Variants in VPS39 observed in about 807,000 individuals in gnomAD.
VPS39 encodes vam6/Vps39-like protein.
VPS39 carries 70 observed loss-of-function variants against 121.0 expected under a neutral mutation model. That is an observed-to-expected ratio of 0.58 (90% CI 0.48 to 0.71). The LOEUF is 0.71. VPS39 is among the 30% of genes least tolerant of loss of function. The probability of loss-of-function intolerance (pLI) is 0.00; values close to 1 mark genes in which losing one functional copy is unlikely to be tolerated. For synonymous variants in VPS39, 378 were observed against 398.1 expected (o/e 0.95, Z 0.60); for missense variants, 818 against 1,051.5 (o/e 0.78, Z 3.07).
chr15:42,164,943 C>T, intron 18 of VPS39, 53 bp downstream of exon 18: 1 of 1,609,560 alleles, frequency 6.2e-7, no homozygotes, highest in African/African-American at 1.3e-5. Context: ...GCACCTGGGT[C>T]TGTGCTCTCC....
intron 7 of VPS39, among the ~76,000 whole-genome samples, chr15:42,186,716 G>A (rs1434411528): frequency 6.6e-6 from 1 of 152,200 alleles, no homozygotes; most frequent in Non-Finnish European, 1.5e-5. Flanking sequence ...CATATACCAA[G>A]AAGTTGGCAG....
At chr15:42,166,007 A>G (rs2049235104) in intron 16 of VPS39, 152 bp downstream of exon 16, 1 of 931,564 alleles carries the variant, frequency 1.1e-6, no homozygotes, top group African/African-American at 1.6e-5. Context: ...TCTACCAACT[A>G]CAGTGCTGGC....
intron 1 of VPS39, among the ~76,000 whole-genome samples, chr15:42,200,509 C>T (rs2050045455): frequency 6.6e-6 from 1 of 152,078 alleles, no homozygotes; most frequent in African/African-American, 2.4e-5. Context: ...AATAAGCTTA[C>T]AGAATTCATT....
rs115915752 is a variant in VPS39 at position 42,163,303 on chromosome 15, G to A, written c.2175+47C>T. 3.9e-4 allele frequency: 625 copies of A among 1,611,362 alleles called. 2 individuals are homozygous for A. In the African/African-American group the frequency reaches 6.2e-3, roughly 16 times the overall value. On this transcript the variant is annotated intron_variant, in intron 21 of 24. Coordinates refer to ENST00000318006, the MANE Select transcript of VPS39 (RefSeq NM_015289.5). ...TATTGCCACCTCTGGTCAAACCAAC[G>A]GGGAGAGGTATGCACACGTGCTCCC...
intron 8 of VPS39, among the ~76,000 whole-genome samples, chr15:42,182,184 C>T (rs1220416787): frequency 6.6e-6 from 1 of 152,158 alleles, no homozygotes; most frequent in Non-Finnish European, 1.5e-5. Flanking sequence ...TGATATTTTT[C>T]ATCTTACCAG....
intron 2 of VPS39, 133 bp downstream of exon 2, chr15:42,199,760 GTCT>G: frequency 2.2e-6 from 2 of 895,664 alleles, no homozygotes; most frequent in South Asian, 3.8e-5. Flanking sequence ...GCATTCTCAA[GTCT>G]TCTCCCCATT....
intron 8 of VPS39, among the ~76,000 whole-genome samples, chr15:42,182,461 G>A (rs2049600215): frequency 6.6e-6 from 1 of 152,204 alleles, no homozygotes; most frequent in African/African-American, 2.4e-5. Context: ...AAAGTTGGGA[G>A]ACTGGCTGGT....
Position 42,164,475 on chromosome 15 carries a change from C to G in VPS39, c.1909G>C (p.Val637Leu). 6.2e-7 allele frequency: 1 copy of G among 1,614,068 alleles called. No individual in the cohort carries two copies. Among genetic ancestry groups the G allele is most frequent in the Non-Finnish European group, 8.5e-7 (1 of 1,179,998 alleles). Residue 637 changes from valine (V) to leucine (L), a missense_variant, in exon 19 of 25, where the codon GTC becomes CTC. By Grantham distance (32) the Val-to-Leu change is conservative (BLOSUM62 1). Transcript: ENST00000318006. ...LLSFPAGKTP[V>L]PAGEEEGELG... ...TCACCCTCTTCCTCTCCAGCTGGGA[C>G]TGGGGTTTTGCCTTTAAGGGAAACC...
intron 2 of VPS39, among the ~76,000 whole-genome samples, chr15:42,196,868 T>G (rs193065476): frequency 2.0e-5 from 3 of 152,060 alleles, no homozygotes; most frequent in Admixed American, 2.0e-4. Flanking sequence ...TAAAGACACA[T>G]GCACACGTAT....
intron 1 of VPS39, among the ~76,000 whole-genome samples, chr15:42,201,282 C>T (rs538373970): frequency 1.3e-5 from 2 of 152,186 alleles, no homozygotes; most frequent in African/African-American, 4.8e-5. Context: ...CTCAAGTGAT[C>T]CTCCCACCTC....
intron 20 of VPS39, 24 bp from the exon 21 acceptor site, chr15:42,163,419 G>A (rs752943676): frequency 1.2e-6 from 2 of 1,614,126 alleles, no homozygotes; most frequent in South Asian, 1.1e-5. Flanking sequence ...AGTGGTGAGA[G>A]CAGGTGGTGT....
At chr15:42,183,976 A>G (rs59897576) in intron 8 of VPS39, among the ~76,000 whole-genome samples, 4,163 of 151,686 alleles carry the variant, frequency 0.027, 205 homozygotes, top group African/African-American at 0.096. Flanking sequence ...TGAAGCAAGC[A>G]TAAGAACAGA....
intron 13 of VPS39, among the ~76,000 whole-genome samples, 156 bp from the exon 14 acceptor site, chr15:42,167,069 C>T (rs1431899814): frequency 6.6e-6 from 1 of 152,232 alleles, no homozygotes; most frequent in African/African-American, 2.4e-5. Flanking sequence ...GCTTTTAGAG[C>T]ATTTATGGAC....
In VPS39 at chr15:42,166,186, C is replaced by T. The variant is rs1211720449; in HGVS notation, c.1653G>A (p.Leu551=). 1.2e-6 allele frequency: 2 copies of T among 1,614,130 alleles called. No individual in the cohort carries two copies. The highest frequency in any genetic ancestry group is 1.7e-6 in the Non-Finnish European group (2 of 1,180,056). ...HLIFSYSVWV[L]RDFPEDGLKI... ...TCAGGCCATCTTCTGGGAAGTCTCT[C>T]AGCACCCACACTGAGTAGGAGAAAA... The change falls in exon 16 of 25, where the codon CTG becomes CTA. Residue 551 remains leucine, a synonymous_variant. Coordinates refer to ENST00000318006, the MANE Select transcript of VPS39 (RefSeq NM_015289.5).
intron 13 of VPS39, 41 bp downstream of exon 13, chr15:42,167,353 G>A (rs980441983): frequency 6.2e-7 from 1 of 1,609,886 alleles, no homozygotes; most frequent in Non-Finnish European, 8.5e-7. Context: ...GACTGTCAGG[G>A]TAACTGGGAA....
At position 42,165,031 on chromosome 15, in the gene VPS39, C is replaced by T. The variant is rs142758799; in HGVS notation, c.1862G>A (p.Gly621Asp). The change falls in exon 18 of 25, where the codon GGT becomes GAT. Residue 621 changes from glycine to aspartate, a missense_variant. Physicochemically the swap from Gly to Asp is moderately conservative, Grantham distance 94. Coordinates refer to ENST00000318006, the MANE Select transcript of VPS39 (RefSeq NM_015289.5). ...LIQLYCEKVQGLMKEYLLSFP... is the reference protein window; with the variant it reads ...LIQLYCEKVQDLMKEYLLSFP... ...GGACAGGAGATACTCCTTCATCAGA[C>T]CTTGCACCTTCTCACAGTATAGCTG... 2.8e-4 allele frequency: 450 copies of T among 1,614,224 alleles called. 1 individual carries two copies. The African/African-American group carries it at 5.1e-3, about 18-fold the overall frequency.
At chr15:42,161,014 CCAAA>C (rs2049116697) in intron 24 of VPS39, 185 bp from the exon 25 acceptor site, 1 of 613,202 alleles carries the variant, frequency 1.6e-6, no homozygotes, top group African/African-American at 1.8e-5. Context: ...TGTCAAATAA[CCAAA>C]CAGAGGATGA....
At chr15:42,200,864 C>T (rs926198663) in intron 1 of VPS39, among the ~76,000 whole-genome samples, 10 of 152,128 alleles carry the variant, frequency 6.6e-5, no homozygotes, top group African/African-American at 2.4e-4. Flanking sequence ...GGAATATTAG[C>T]TAACAATGAA....
chr15:42,169,794 T>A lies in VPS39; in HGVS notation c.1163A>T (p.Asn388Ile). 6.2e-7 allele frequency: 1 copy of A among 1,614,102 alleles called. No individual in the cohort carries two copies. The highest frequency in any genetic ancestry group is 8.5e-7 in the Non-Finnish European group (1 of 1,180,028). The change falls in exon 12 of 25, where the codon AAC becomes ATC. Residue 388 changes from asparagine (N) to isoleucine (I), a missense_variant. Transcript: ENST00000318006. ...TDYRKQLQYP[N>I]PLPVLSGAEL... is the part of the protein sequence containing the mutation. ...AGCCCCGGAGAGCACAGGCAATGGGTTGGGATACTGCAACTGCTTTCTGTA... is the reference window on the plus strand; with the variant it reads ...AGCCCCGGAGAGCACAGGCAATGGGATGGGATACTGCAACTGCTTTCTGTA...
Sources: allele counts gnomAD v4.1 joint callset (sites outside exome capture counted in the v4.1 genomes callset), GRCh38; gene constraint gnomAD v4.1.1; transcripts MANE v1.5; gene names NCBI Gene and HGNC (gene_info 2026-07-23, HGNC 2026-07-21).